ITGB3: variants seen among roughly 807,000 people sequenced by gnomAD.
The protein encoded by ITGB3 is integrin beta-3.
In ITGB3, 48 loss-of-function variants were observed where a neutral mutation model predicts 85.8. That is an observed-to-expected ratio of 0.56 (90% CI 0.44 to 0.71). ITGB3 has a LOEUF of 0.71. ITGB3 is among the 30% of genes least tolerant of loss of function. ITGB3 has a pLI of 0.00. For synonymous variants in ITGB3, 363 were observed against 395.6 expected, an observed-to-expected ratio of 0.92 and a Z score of 0.98; for missense variants, 861 against 1,019.1, an observed-to-expected ratio of 0.84 and a Z score of 2.11.
At chr17:47,256,866 C>T (rs1269377862) in intron 1 of ITGB3, among the ~76,000 whole-genome samples, 4 of 152,172 alleles carry the variant, frequency 2.6e-5, no homozygotes, top group Admixed American at 2.0e-4. Flanking sequence ...GCTCTCCAAT[C>T]GAAGCCCTCT....
intron 9 of ITGB3, among the ~76,000 whole-genome samples, chr17:47,291,804 G>C (rs995107381): frequency 6.6e-6 from 1 of 152,162 alleles, no homozygotes; most frequent in East Asian, 1.9e-4. Context: ...ATTATAATCA[G>C]GCCAAAGCAG....
chr17:47,296,288 C>T (rs2065145695), intron 10 of ITGB3, among the ~76,000 whole-genome samples: 1 of 152,234 alleles, frequency 6.6e-6, no homozygotes, highest in Admixed American at 6.5e-5. Flanking sequence ...GCCCATAGTG[C>T]AGTGGCATGA....
At chr17:47,308,966 CTCCTCCCCTCCCCTTCCTTTTACGCT>C (rs1293241240) in intron 14 of ITGB3, among the ~76,000 whole-genome samples, 4 of 115,482 alleles carry the variant, frequency 3.5e-5, no homozygotes, top group East Asian at 4.6e-4. Flanking sequence ...CCCCTCCCCT[CTCCTCCCCTCCCCTTCCTTTTACGCT>C]TCCTCCCCTC....
chr17:47,272,748 C>A (rs1345041930), intron 1 of ITGB3, among the ~76,000 whole-genome samples: 2 of 131,536 alleles, frequency 1.5e-5, no homozygotes, highest in Middle Eastern at 3.9e-3. Flanking sequence ...TTCTTTCTTT[C>A]TCTCTCCTTC....
rs115410932 is a variant in ITGB3 at position 47,277,299 on chromosome 17, C to A, written c.165+2795C>A. Among the ~76,000 whole-genome samples, 1,373 of 152,178 alleles carry A rather than the reference C, an allele frequency of 9.0e-3. 18 individuals are homozygous for A. Among genetic ancestry groups the A allele is most frequent in the African/African-American group, 0.032 (1,321 of 41,504 alleles). ...AGGTGCTTGTTAAAAATAAAGCTTCCCGGGATGGATCCTGGGTCTGTTACA... is the reference window on the plus strand; with the variant it reads ...AGGTGCTTGTTAAAAATAAAGCTTCACGGGATGGATCCTGGGTCTGTTACA... On this transcript the variant is annotated intron_variant, in intron 2 of 14. Transcript: ENST00000559488.
intron 1 of ITGB3, 106 bp downstream of exon 1, chr17:47,254,046 C>A: frequency 1.4e-6 from 1 of 710,048 alleles, no homozygotes; most frequent in Non-Finnish European, 2.0e-6. Flanking sequence ...TCCCGCGCGT[C>A]TGCGCTGGGA....
At position 47,286,252 on chromosome 17, in the gene ITGB3, C is replaced by T; in HGVS notation, c.615-8C>T. On this transcript the variant is annotated splice_region_variant and splice_polypyrimidine_tract_variant and intron_variant, in intron 4 of 14. Coordinates refer to ENST00000559488, the MANE Select transcript of ITGB3 (RefSeq NM_000212.3). Reference sequence around the variant, plus strand: ...TGTCTGCTTAAATTATCTCCCATCCCTCCCCAGTATGAAGACCACCTGCTT... The same window carrying T: ...TGTCTGCTTAAATTATCTCCCATCCTTCCCCAGTATGAAGACCACCTGCTT... 6.2e-7 allele frequency: 1 copy of T among 1,614,130 alleles called. No homozygotes were observed. Among genetic ancestry groups the T allele is most frequent in the Middle Eastern group, 1.6e-4 (1 of 6,062 alleles).
In ITGB3 at chr17:47,304,811, T is replaced by G. The variant is rs530399198; in HGVS notation, c.2134+1971T>G. On this transcript the variant is annotated intron_variant, in intron 13 of 14. Transcript: ENST00000559488. ...TTAGTAGAGACAGGGTTTCACCATGTTGGCCAGGCTGGTCTTGAACTCCTG... is the reference window on the plus strand; with the variant it reads ...TTAGTAGAGACAGGGTTTCACCATGGTGGCCAGGCTGGTCTTGAACTCCTG... Among the ~76,000 whole-genome samples, 7 of 152,258 alleles carry G rather than the reference T, an allele frequency of 4.6e-5. No individual in the cohort carries two copies. The South Asian group carries it at 1.5e-3, about 32-fold the overall frequency.
chr17:47,254,193 C>T (rs552300889), intron 1 of ITGB3, among the ~76,000 whole-genome samples: 1 of 152,228 alleles, frequency 6.6e-6, no homozygotes, highest in Non-Finnish European at 1.5e-5. Flanking sequence ...GGCTGAGCGC[C>T]TTCCCGGCCG....
chr17:47,266,690 G>T (rs547495640), intron 1 of ITGB3, among the ~76,000 whole-genome samples: 41 of 152,248 alleles, frequency 2.7e-4, no homozygotes, highest in Middle Eastern at 3.4e-3. Flanking sequence ...TGATTTTCCT[G>T]CCTCAGCCTC....
At chr17:47,256,407 T>C (rs182988594) in intron 1 of ITGB3, among the ~76,000 whole-genome samples, 2 of 152,196 alleles carry the variant, frequency 1.3e-5, no homozygotes, top group East Asian at 3.9e-4. Context: ...CCCCACACTC[T>C]CTCTGAGAAG....
At chr17:47,274,139 C>G (rs8078614) in intron 1 of ITGB3, among the ~76,000 whole-genome samples, 1 of 152,044 alleles carries the variant, frequency 6.6e-6, no homozygotes, top group Non-Finnish European at 1.5e-5. Flanking sequence ...CCATCAGTTA[C>G]GATCTGAGAC....
intron 14 of ITGB3, among the ~76,000 whole-genome samples, chr17:47,308,173 A>AATAATAATAATAATAAT (rs1187758576): frequency 1.4e-5 from 2 of 147,712 alleles, no homozygotes; most frequent in African/African-American, 5.0e-5. Context: ...TAATAATAAT[A>AATAATAATAATAATAAT]ATAATAATAA....
intron 1 of ITGB3, among the ~76,000 whole-genome samples, chr17:47,262,470 G>A (rs2065011798): frequency 6.6e-6 from 1 of 152,184 alleles, no homozygotes; most frequent in South Asian, 2.1e-4. Context: ...TGCCTTGTTT[G>A]AGGGTTCTCA....
chr17:47,307,500 G>A lies in ITGB3; in HGVS notation c.2164G>A (p.Val722Ile), dbSNP rs1297484360. ...ECPKGPDILVVLLSVMGAILL... is the reference protein window; with the variant it reads ...ECPKGPDILVILLSVMGAILL... The stretch of plus-strand genomic sequence containing the variant: ...TCCCAAGGGCCCTGACATCCTGGTG[G>A]TCCTGCTCTCAGTGATGGGGGCCAT... Residue 722 changes from valine (V) to isoleucine (I), a missense_variant, in exon 14 of 15, where the codon GTC becomes ATC. Val to Ile is a conservative substitution (Grantham distance 29, BLOSUM62 3). Transcript: ENST00000559488. 3.7e-6 allele frequency: 6 copies of A among 1,614,114 alleles called. No homozygotes were observed. The South Asian group carries it at 6.6e-5, about 18-fold the overall frequency.
chr17:47,300,346 C>CGTGTGT (rs58012849), intron 11 of ITGB3, 132 bp from the exon 12 acceptor site: 218 of 619,750 alleles, frequency 3.5e-4, no homozygotes, highest in Middle Eastern at 3.0e-3. Flanking sequence ...CGCGCGCGCG[C>CGTGTGT]GTGTGTGTGT....
intron 12 of ITGB3, among the ~76,000 whole-genome samples, chr17:47,302,268 G>C (rs2143136922): frequency 6.6e-6 from 1 of 152,152 alleles, no homozygotes; most frequent in East Asian, 1.9e-4. Context: ...TAAGCAAGCA[G>C]AGAAAGGAAA....
At chr17:47,303,970 C>T (rs1217178488) in intron 13 of ITGB3, among the ~76,000 whole-genome samples, 14 of 152,054 alleles carry the variant, frequency 9.2e-5, no homozygotes, top group Admixed American at 9.2e-4. Context: ...TGGCTCACTG[C>T]AGTCTCAACC....
At position 47,311,653 on chromosome 17, in the gene ITGB3, G is replaced by C. The variant is rs1019820998; in HGVS notation, c.*1449G>C. 1 of 152,180 alleles carries C rather than the reference G, an allele frequency of 6.6e-6. No homozygotes were observed. Among genetic ancestry groups the C allele is most frequent in the African/African-American group, 2.4e-5 (1 of 41,418 alleles). The allele number at this position is 152,180 out of a possible 1,614,324, so 9.4% of individuals were successfully genotyped here. ...GGGCTCTCTCATGATAGAAGGCTAT[G>C]GGGATAGATGTGTGGACACATTGGA... On this transcript the variant is annotated 3_prime_UTR_variant, in exon 15 of 15. Transcript: ENST00000559488.
Sources: gnomAD v4.1 joint callset for allele counts (sites outside exome capture counted in the v4.1 genomes callset) on GRCh38, gnomAD v4.1.1 for gene constraint, MANE v1.5 for transcripts, NCBI Gene and HGNC (gene_info 2026-07-23, HGNC 2026-07-21) for gene names.